CAMK1D: variants seen among roughly 807,000 people sequenced by gnomAD.
The protein encoded by CAMK1D is calcium/calmodulin-dependent protein kinase type 1D.
CAMK1D carries 9 observed loss-of-function variants against 47.7 expected under a neutral mutation model. The ratio of observed to expected loss-of-function variants is 0.19; its 90% CI spans 0.11 to 0.33. The LOEUF is 0.33. Ranked by LOEUF, CAMK1D falls within the 10% of genes least tolerant of loss-of-function variation. The probability of loss-of-function intolerance (pLI) is 1.00; values close to 1 mark genes in which losing one functional copy is unlikely to be tolerated. For missense variants in CAMK1D, 291 were observed against 488.7 expected (o/e 0.60, Z 3.81); for synonymous variants, 184 against 184.9 (o/e 0.99, Z 0.04).
chr10:12,504,580 G>C (rs11257839), intron 1 of CAMK1D, among the ~76,000 whole-genome samples: 39,641 of 152,030 alleles, frequency 0.26, 5,833 homozygotes, highest in Admixed American at 0.39. Flanking sequence ...TCCAGAAACA[G>C]CCTCATAGAC....
chr10:12,546,856 C>T (rs906209045), intron 1 of CAMK1D, among the ~76,000 whole-genome samples: 2 of 151,696 alleles, frequency 1.3e-5, no homozygotes, highest in East Asian at 1.9e-4. Flanking sequence ...ATACCTAATG[C>T]TAAATGACGA....
intron 5 of CAMK1D, among the ~76,000 whole-genome samples, chr10:12,783,095 C>A (rs181654106): frequency 6.6e-6 from 1 of 151,574 alleles, no homozygotes; most frequent in Admixed American, 6.6e-5. Context: ...TCGGTCCAAG[C>A]AGTTCTCCTG....
chr10:12,745,774 T>C lies in CAMK1D; in HGVS notation c.300-15174T>C, dbSNP rs546063079. On this transcript the variant is annotated intron_variant, in intron 3 of 10. Transcript: ENST00000619168. ...CCCGCCACCACGCCCAGCTAATTTT[T>C]GGTATTTTTAGTAGAGATGGGATTT... Among the ~76,000 whole-genome samples, 7 of 152,136 alleles carry C rather than the reference T, an allele frequency of 4.6e-5. No homozygotes were observed. The South Asian group carries it at 1.2e-3, about 27-fold the overall frequency.
Position 12,824,448 on chromosome 10 carries a change from CT to C in CAMK1D, c.834-14del. On this transcript the variant is annotated splice_polypyrimidine_tract_variant and intron_variant, in intron 8 of 10. Transcript: ENST00000619168. ...CAGAAGAAGCACTTCAGAGCAGCAC[CT>C]TTGCCTCTGTTTCAGGATCGCTGGT... The C allele has an allele frequency of 6.2e-7, 1 of 1,612,284 alleles. No homozygotes were observed. Among genetic ancestry groups the C allele is most frequent in the Non-Finnish European group, 8.5e-7 (1 of 1,178,390 alleles).
chr10:12,743,040 T>C (rs1237051583), intron 3 of CAMK1D, among the ~76,000 whole-genome samples: 1 of 151,966 alleles, frequency 6.6e-6, no homozygotes, highest in Non-Finnish European at 1.5e-5. Flanking sequence ...ACAAAGAAGA[T>C]TGAACAAGAA....
chr10:12,667,852 G>A (rs749281019), intron 3 of CAMK1D, among the ~76,000 whole-genome samples: 17 of 152,292 alleles, frequency 1.1e-4, no homozygotes, highest in South Asian at 4.1e-4. Context: ...GTTCATCGGT[G>A]CATTTAGTTA....
In CAMK1D at chr10:12,401,308, ATATATTATG is replaced by A. The variant is rs1839212118; in HGVS notation, c.92+51404_92+51412del. ...TATATATATATAATATATGTATTAT[ATATATTATG>A]TATATATTTTATATATATATAATAT... On this transcript the variant is annotated intron_variant, in intron 1 of 10. Transcript: ENST00000619168. Among the ~76,000 whole-genome samples, 2 of 72,530 alleles carry A rather than the reference ATATATTATG, an allele frequency of 2.8e-5. 1 individual carries two copies. The highest frequency in any genetic ancestry group is 7.6e-4 in the South Asian group (2 of 2,630). 47.6% of individuals were successfully genotyped at this position (72,530 alleles called of 152,430 possible).
chr10:12,814,196 C>G lies in CAMK1D; in HGVS notation c.643C>G (p.Leu215Val). ...WSIGVIAYIL[L>V]CGYPPFYDEN... is the part of the protein sequence containing the mutation. ...CTTTTACTCCATTTTGTCTCCTAGG[C>G]TCTGCGGCTACCCTCCTTTTTATGA... The change falls in exon 7 of 11, where the codon CTC (leucine) becomes GTC (valine). Residue 215 changes from leucine to valine, a missense_variant and splice_region_variant. Transcript: ENST00000619168. The G allele has an allele frequency of 6.2e-7, 1 of 1,606,384 alleles. No homozygotes were observed. Among genetic ancestry groups the G allele is most frequent in the Non-Finnish European group, 8.5e-7 (1 of 1,172,994 alleles).
At chr10:12,610,621 C>A (rs987839296) in intron 2 of CAMK1D, among the ~76,000 whole-genome samples, 2 of 152,192 alleles carry the variant, frequency 1.3e-5, no homozygotes, top group Non-Finnish European at 2.9e-5. Context: ...ATGTCCTCAC[C>A]AACTGAGACA....
chr10:12,814,071 G>A (rs1485816104), intron 6 of CAMK1D, 124 bp from the exon 7 acceptor site: 2 of 634,076 alleles, frequency 3.2e-6, no homozygotes, highest in African/African-American at 3.7e-5. Context: ...TTACCTGCGT[G>A]AGCCACTGTG....
At chr10:12,673,142 C>T (rs1387601992) in intron 3 of CAMK1D, among the ~76,000 whole-genome samples, 3 of 151,976 alleles carry the variant, frequency 2.0e-5, no homozygotes, top group Non-Finnish European at 2.9e-5. Flanking sequence ...GTCTCGGCCT[C>T]CCAAAGTGCT....
chr10:12,695,257 G>T (rs1177012042), intron 3 of CAMK1D, among the ~76,000 whole-genome samples: 1 of 152,156 alleles, frequency 6.6e-6, no homozygotes, highest in Non-Finnish European at 1.5e-5. Context: ...ATGACTTGGA[G>T]TTTCTTTTAG....
At chr10:12,794,296 T>C (rs537473562) in intron 6 of CAMK1D, among the ~76,000 whole-genome samples, 1 of 151,964 alleles carries the variant, frequency 6.6e-6, no homozygotes, top group South Asian at 2.1e-4. Flanking sequence ...AGAGGAATGG[T>C]AGAGGAGCCA....
intron 3 of CAMK1D, among the ~76,000 whole-genome samples, chr10:12,715,908 C>G (rs1334954942): frequency 6.6e-6 from 1 of 151,884 alleles, no homozygotes; most frequent in Non-Finnish European, 1.5e-5. Context: ...CAGGGTTTCA[C>G]CATGTTGGCC....
intron 3 of CAMK1D, among the ~76,000 whole-genome samples, chr10:12,675,062 C>CATATA (rs1410822639): frequency 6.6e-6 from 1 of 150,654 alleles, no homozygotes; most frequent in East Asian, 1.9e-4. Flanking sequence ...AACATTAGTC[C>CATATA]ATATATTCGG....
chr10:12,670,436 G>A (rs1840577976), intron 3 of CAMK1D, among the ~76,000 whole-genome samples: 1 of 151,640 alleles, frequency 6.6e-6, no homozygotes, highest in Non-Finnish European at 1.5e-5. Flanking sequence ...CATGTAATAT[G>A]AATATTTTCT....
intron 2 of CAMK1D, among the ~76,000 whole-genome samples, chr10:12,662,644 T>C (rs1840307179): frequency 1.3e-5 from 1 of 79,950 alleles, no homozygotes; most frequent in South Asian, 7.6e-4. Context: ...AGAGCAACAC[T>C]CTGCCTCAAA....
intron 2 of CAMK1D, among the ~76,000 whole-genome samples, chr10:12,586,476 TGAA>T (rs1819931119): frequency 7.0e-6 from 1 of 142,984 alleles, no homozygotes; most frequent in Non-Finnish European, 1.5e-5. Flanking sequence ...AAAAAAAAAT[TGAA>T]GAAGGGAGAT....
chr10:12,481,439 C>T (rs751542752), intron 1 of CAMK1D, among the ~76,000 whole-genome samples: 4 of 152,136 alleles, frequency 2.6e-5, no homozygotes, highest in South Asian at 2.1e-4. Flanking sequence ...TTTGAAAAAC[C>T]GTAGCCTCTG....
Sources: gnomAD v4.1 joint callset for allele counts (sites outside exome capture counted in the v4.1 genomes callset) on GRCh38, gnomAD v4.1.1 for gene constraint, MANE v1.5 for transcripts, NCBI Gene and HGNC (gene_info 2026-07-23, HGNC 2026-07-21) for gene names.